The following FOXO1 variants were observed in gnomAD, a reference collection of about 807,000 sequenced individuals.
FOXO1 encodes forkhead box protein O1.
A neutral mutation model predicts 44.1 loss-of-function variants in FOXO1; 6 were observed. The ratio of observed to expected loss-of-function variants is 0.14; its 90% CI spans 0.07 to 0.27. FOXO1 has a LOEUF of 0.27. FOXO1 is among the 10% of genes least tolerant of loss of function. FOXO1 has a pLI of 1.00. For synonymous variants in FOXO1, 380 were observed against 362.7 expected (o/e 1.05, Z -0.54); for missense variants, 737 against 888.8 (o/e 0.83, Z 2.17).
chr13:40,601,778 G>A (rs1220876190), intron 1 of FOXO1, among the ~76,000 whole-genome samples: 1 of 152,006 alleles, frequency 6.6e-6, no homozygotes, highest in Non-Finnish European at 1.5e-5. Flanking sequence ...AAGCATCTTT[G>A]TACTAGTACT....
chr13:40,628,385 A>C (rs1213075871), intron 1 of FOXO1, among the ~76,000 whole-genome samples: 1 of 151,414 alleles, frequency 6.6e-6, no homozygotes, highest in Non-Finnish European at 1.5e-5. Flanking sequence ...ACACACACAC[A>C]CACACCCCGT....
In FOXO1 at chr13:40,558,963, G is replaced by A. The variant is rs527551438; in HGVS notation, c.*86C>T. The A allele has an allele frequency of 1.8e-4, 70 of 396,370 alleles. No homozygotes were observed. Among genetic ancestry groups the A allele is most frequent in the African/African-American group, 1.0e-3 (48 of 47,770 alleles). The allele number at this position is 396,370 out of a possible 1,614,324, so 24.6% of individuals were successfully genotyped here. On this transcript the variant is annotated 3_prime_UTR_variant, in exon 3 of 3. Coordinates refer to ENST00000379561, the MANE Select transcript of FOXO1 (RefSeq NM_002015.4). ...TAACCAAGAAAACTAAAAGGGAGTT[G>A]GTGAAAGACATCTTTGGACTGCTTC...
chr13:40,665,959 T>G lies in FOXO1; in HGVS notation c.254A>C (p.Gln85Pro). ...SLLEESEDFP[Q>P]APGSVAAAVA... is the part of the protein sequence containing the mutation. The stretch of plus-strand genomic sequence containing the variant: ...CGCCGCCGCCACGGAGCCGGGCGCC[T>G]GCGGGAAGTCCTCGCTCTCCTCCAG... Residue 85 changes from glutamine to proline, a missense_variant, in exon 1 of 3, where the codon CAG becomes CCG. Around this residue, in one of 7 missense-constraint regions of FOXO1, gnomAD observed 213 missense variants for 236.4 expected, o/e 0.90. Transcript: ENST00000379561. The G allele has an allele frequency of 8.1e-7, 1 of 1,228,668 alleles. No individual in the cohort carries two copies. Among genetic ancestry groups the G allele is most frequent in the Non-Finnish European group, 1.0e-6 (1 of 988,670 alleles). 76.1% of individuals were successfully genotyped at this position (1,228,668 alleles called of 1,614,324 possible).
chr13:40,662,127 C>T (rs970245768), intron 1 of FOXO1, among the ~76,000 whole-genome samples: 32 of 131,702 alleles, frequency 2.4e-4, no homozygotes, highest in Non-Finnish European at 4.1e-4. Flanking sequence ...GCCGAGATTG[C>T]GCCACTGCAC....
At chr13:40,657,000 T>G (rs762597203) in intron 1 of FOXO1, among the ~76,000 whole-genome samples, 1 of 152,014 alleles carries the variant, frequency 6.6e-6, no homozygotes, top group Non-Finnish European at 1.5e-5. Flanking sequence ...TTGGCTAATT[T>G]TTTTCTGTCT....
chr13:40,608,635 T>C (rs1031092187), intron 1 of FOXO1, among the ~76,000 whole-genome samples: 2 of 152,226 alleles, frequency 1.3e-5, no homozygotes, highest in East Asian at 1.9e-4. Flanking sequence ...AATCACCTTA[T>C]TCTTTTTCTA....
chr13:40,569,049 A>G (rs1437394479), intron 1 of FOXO1, among the ~76,000 whole-genome samples: 1 of 152,244 alleles, frequency 6.6e-6, no homozygotes, highest in African/African-American at 2.4e-5. Context: ...TATGGTCTCA[A>G]ACCGCTATAG....
Position 40,555,798 on chromosome 13 carries a change from A to G in FOXO1, c.*3251T>C, listed in dbSNP as rs1011151888. 6.5e-6 allele frequency: 1 copy of G among 152,686 alleles called. No homozygotes were observed. Among genetic ancestry groups the G allele is most frequent in the Non-Finnish European group, 1.5e-5 (1 of 68,044 alleles). 9.5% of individuals were successfully genotyped at this position (152,686 alleles called of 1,614,324 possible). A position where few individuals can be genotyped will look rare whatever the true frequency, so the allele number is the denominator to read the frequency against. On this transcript the variant is annotated 3_prime_UTR_variant, in exon 3 of 3. Transcript: ENST00000379561. ...AATTTATGTACATTTATGGCTTTAT[A>G]CAATTATAGCAAAGATTGTTCTTGT... is the stretch of plus-strand genomic sequence containing the variant.
rs545908490 is a variant in FOXO1 at position 40,558,427 on chromosome 13, T to G, written c.*622A>C. ...TTTAATCTTTTTTTTTCCAAAAGTT[T>G]AACAAGTCCATTAATTTAGCAGATT... On this transcript the variant is annotated 3_prime_UTR_variant, in exon 3 of 3. Transcript: ENST00000379561. 6.3e-6 allele frequency: 1 copy of G among 157,908 alleles called. No homozygotes were observed. The highest frequency in any genetic ancestry group is 1.8e-4 in the East Asian group (1 of 5,496). 9.8% of individuals were successfully genotyped at this position (157,908 alleles called of 1,614,324 possible).
Position 40,559,002 on chromosome 13 carries a change from T to A in FOXO1, c.*47A>T. The A allele has an allele frequency of 2.5e-6, 1 of 398,596 alleles. No individual in the cohort carries two copies. Among genetic ancestry groups the A allele is most frequent in the Non-Finnish European group, 4.4e-6 (1 of 225,926 alleles). The allele number at this position is 398,596 out of a possible 1,614,324, so 24.7% of individuals were successfully genotyped here. On this transcript the variant is annotated 3_prime_UTR_variant, in exon 3 of 3. Coordinates refer to ENST00000379561, the MANE Select transcript of FOXO1 (RefSeq NM_002015.4). Reference sequence around the variant, plus strand: ...TTGGACTGCTTCTCTCAGTTCCTGCTGTCAGACAATCTGAAGTACTTTTAA... The same window carrying A: ...TTGGACTGCTTCTCTCAGTTCCTGCAGTCAGACAATCTGAAGTACTTTTAA...
At chr13:40,614,935 C>G (rs1361112948) in intron 1 of FOXO1, among the ~76,000 whole-genome samples, 1 of 152,154 alleles carries the variant, frequency 6.6e-6, no homozygotes, top group Admixed American at 6.5e-5. Context: ...GGAGGCAAAT[C>G]AATGTACACA....
At chr13:40,650,281 G>T (rs1437684816) in intron 1 of FOXO1, among the ~76,000 whole-genome samples, 2 of 152,118 alleles carry the variant, frequency 1.3e-5, no homozygotes, top group African/African-American at 4.8e-5. Context: ...GTTTTAGCTG[G>T]CTTCTTTACT....
At chr13:40,563,642 G>A (rs573526270) in intron 1 of FOXO1, among the ~76,000 whole-genome samples, 1 of 152,130 alleles carries the variant, frequency 6.6e-6, no homozygotes, top group African/African-American at 2.4e-5. Context: ...GAGACACGCT[G>A]TGAGGAGGGC....
At chr13:40,582,560 T>C (rs1874997807) in intron 1 of FOXO1, among the ~76,000 whole-genome samples, 1 of 152,244 alleles carries the variant, frequency 6.6e-6, no homozygotes, top group East Asian at 1.9e-4. Flanking sequence ...TGTAATATTC[T>C]AAAGCCTTTA....
Position 40,666,023 on chromosome 13 carries a change from CAGCCGA to C in FOXO1, c.184_189del (p.Ser62_Ala63del). 9.4e-6 allele frequency: 12 copies of C among 1,278,000 alleles called. No homozygotes were observed. The highest frequency in any genetic ancestry group is 1.2e-5 in the Non-Finnish European group (12 of 1,014,874). The allele number at this position is 1,278,000 out of a possible 1,614,324, so 79.2% of individuals were successfully genotyped here. On this transcript the variant is annotated inframe_deletion, in exon 1 of 3. Coordinates refer to ENST00000379561, the MANE Select transcript of FOXO1 (RefSeq NM_002015.4). ...CTCATGAAGTCGGCGCTGACAGCGG[CAGCCGA>C]GGCCGAGGGCAGGCCCGCCGCGGCG...
intron 1 of FOXO1, among the ~76,000 whole-genome samples, chr13:40,564,804 C>T (rs1874199161): frequency 7.3e-6 from 1 of 137,426 alleles, no homozygotes; most frequent in South Asian, 2.2e-4. Flanking sequence ...CAGCCAATCT[C>T]CTCTCCACTA....
At chr13:40,582,736 A>G (rs934058805) in intron 1 of FOXO1, among the ~76,000 whole-genome samples, 1 of 152,120 alleles carries the variant, frequency 6.6e-6, no homozygotes, top group Non-Finnish European at 1.5e-5. Context: ...TTCTAATTCT[A>G]GTTCTTTTGA....
chr13:40,632,676 C>T (rs2137914098), intron 1 of FOXO1, among the ~76,000 whole-genome samples: 1 of 152,004 alleles, frequency 6.6e-6, no homozygotes, highest in South Asian at 2.1e-4. Context: ...GGCACAGTGG[C>T]TCATGCCTGT....
chr13:40,610,921 C>A (rs1008670232), intron 1 of FOXO1: 6 of 330,028 alleles, frequency 1.8e-5, no homozygotes, highest in African/African-American at 1.1e-4. Context: ...TAAAAGACAG[C>A]CAAAATCTTC....
Sources: allele counts gnomAD v4.1 joint callset (sites outside exome capture counted in the v4.1 genomes callset), GRCh38; gene constraint gnomAD v4.1.1; regional missense constraint gnomAD v4.1.1; transcripts MANE v1.5; gene names NCBI Gene and HGNC (gene_info 2026-07-23, HGNC 2026-07-21).